Variants in TBL1XR1 observed in about 807,000 individuals in gnomAD.
The protein encoded by TBL1XR1 is TBL1X/Y related 1, also known as F-box-like/WD repeat-containing protein TBL1XR1.
Under a neutral mutation model 66.9 loss-of-function variants are expected in TBL1XR1, and 5 were observed. The observed-to-expected ratio is 0.07, with a 90% CI of 0.04 to 0.16. The LOEUF is 0.16. TBL1XR1 is among the 10% of genes least tolerant of loss of function. The pLI is 1.00. For synonymous variants in TBL1XR1, 210 were observed against 206.0 expected (o/e 1.02, Z -0.17); for missense variants, 238 against 623.2 (o/e 0.38, Z 6.58).
At chr3:177,029,284 T>C (rs532233727) in intron 14 of TBL1XR1, among the ~76,000 whole-genome samples, 1 of 152,186 alleles carries the variant, frequency 6.6e-6, no homozygotes, top group African/African-American at 2.4e-5. Context: ...CAACTAATTT[T>C]AAAAAGAAAG....
At chr3:177,058,902 A>G (rs1355036654) in intron 3 of TBL1XR1, among the ~76,000 whole-genome samples, 1 of 152,232 alleles carries the variant, frequency 6.6e-6, no homozygotes, top group Non-Finnish European at 1.5e-5. Flanking sequence ...CAGCTTACAA[A>G]AAGAGGAGAA....
intron 1 of TBL1XR1, among the ~76,000 whole-genome samples, chr3:177,184,386 T>C (rs1202656876): frequency 1.3e-5 from 2 of 152,182 alleles, no homozygotes; most frequent in African/African-American, 2.4e-5. Flanking sequence ...TCACCTAATG[T>C]CCAAACCCTT....
chr3:177,135,375 A>ATATG lies in TBL1XR1; in HGVS notation c.-121-36835_-121-36834insCATA, dbSNP rs1728864445. 3.8e-4 allele frequency among the ~76,000 whole-genome samples: 12 copies of ATATG among 31,410 alleles called. No individual in the cohort carries two copies. The South Asian group carries it at 0.011, about 28-fold the overall frequency. 20.6% of individuals were successfully genotyped at this position (31,410 alleles called of 152,430 possible). On this transcript the variant is annotated intron_variant, in intron 1 of 15. Coordinates refer to ENST00000457928, the MANE Select transcript of TBL1XR1 (RefSeq NM_024665.7). ...TATATATATATATATATATATATATATATATATGTATGTATTTTTTTTTTA... is the reference window on the plus strand; with the variant it reads ...TATATATATATATATATATATATATATATGTATATATGTATGTATTTTTTTTTTA...
chr3:177,175,933 T>TG (rs1734095054), intron 1 of TBL1XR1, among the ~76,000 whole-genome samples: 1 of 151,156 alleles, frequency 6.6e-6, no homozygotes, highest in South Asian at 2.1e-4. Context: ...GGTGGGCGCC[T>TG]GTAGTCCCAG....
chr3:177,066,031 G>A (rs1719116923), intron 2 of TBL1XR1, among the ~76,000 whole-genome samples: 1 of 152,126 alleles, frequency 6.6e-6, no homozygotes, highest in Non-Finnish European at 1.5e-5. Flanking sequence ...TCCACAGAGT[G>A]TAGTTTGCCA....
intron 1 of TBL1XR1, among the ~76,000 whole-genome samples, chr3:177,170,645 T>C (rs1453186688): frequency 6.6e-6 from 1 of 152,172 alleles, no homozygotes; most frequent in Middle Eastern, 3.2e-3. Flanking sequence ...TTTTTGTTGT[T>C]GTTGTTTTGG....
At chr3:177,150,523 A>T (rs568828943) in intron 1 of TBL1XR1, among the ~76,000 whole-genome samples, 2 of 152,370 alleles carry the variant, frequency 1.3e-5, no homozygotes, top group South Asian at 2.1e-4. Context: ...CAGCAACTAC[A>T]GACTGAGTTA....
intron 13 of TBL1XR1, 48 bp from the exon 14 acceptor site, chr3:177,033,184 C>G: frequency 2.8e-6 from 4 of 1,442,742 alleles, no homozygotes; most frequent in Non-Finnish European, 3.7e-6. Flanking sequence ...GGAAATACTC[C>G]CCCAGCCTTG....
chr3:177,066,090 A>AG (rs1577065012), intron 2 of TBL1XR1, among the ~76,000 whole-genome samples: 1 of 152,302 alleles, frequency 6.6e-6, no homozygotes, highest in East Asian at 1.9e-4. Flanking sequence ...ATAAAGAAAT[A>AG]TCTAACGTGG....
At chr3:177,136,237 G>A (rs1577276123) in intron 1 of TBL1XR1, 1 of 152,066 alleles carries the variant, frequency 6.6e-6, no homozygotes, top group Non-Finnish European at 1.5e-5. Flanking sequence ...CAGTCCAAAA[G>A]TCCAAAAGCC....
At chr3:177,111,126 A>G (rs1484925613) in intron 1 of TBL1XR1, among the ~76,000 whole-genome samples, 1 of 152,036 alleles carries the variant, frequency 6.6e-6, no homozygotes, top group Non-Finnish European at 1.5e-5. Flanking sequence ...TCCAGGAGCT[A>G]TTGTCTTTGC....
chr3:177,157,838 T>A (rs2108877173), intron 1 of TBL1XR1, among the ~76,000 whole-genome samples: 1 of 152,364 alleles, frequency 6.6e-6, no homozygotes, highest in Admixed American at 6.5e-5. Flanking sequence ...GTTTTATACG[T>A]GATCTTCGTC....
intron 1 of TBL1XR1, among the ~76,000 whole-genome samples, chr3:177,109,137 A>G (rs1349175903): frequency 2.0e-5 from 3 of 152,210 alleles, no homozygotes; most frequent in Non-Finnish European, 4.4e-5. Flanking sequence ...AGTAAATTGT[A>G]TATTTGTAAT....
At chr3:177,123,254 T>C (rs1435894671) in intron 1 of TBL1XR1, among the ~76,000 whole-genome samples, 1 of 152,118 alleles carries the variant, frequency 6.6e-6, no homozygotes, top group African/African-American at 2.4e-5. Context: ...TTTACCTTCC[T>C]AATCATAAAG....
At chr3:177,134,827 G>A (rs1728706197) in intron 1 of TBL1XR1, among the ~76,000 whole-genome samples, 1 of 152,078 alleles carries the variant, frequency 6.6e-6, no homozygotes, top group Non-Finnish European at 1.5e-5. Context: ...CTAAAAGCAA[G>A]AATAAAGTTG....
intron 1 of TBL1XR1, among the ~76,000 whole-genome samples, chr3:177,145,336 TG>T (rs201143626): frequency 1.3e-5 from 2 of 152,176 alleles, no homozygotes; most frequent in African/African-American, 4.8e-5. Context: ...AGCACTGCAT[TG>T]TTTTTTTCAG....
At chr3:177,155,801 G>A (rs974746311) in intron 1 of TBL1XR1, among the ~76,000 whole-genome samples, 2 of 152,162 alleles carry the variant, frequency 1.3e-5, no homozygotes, top group Non-Finnish European at 2.9e-5. Flanking sequence ...CCTGAGGTCA[G>A]GAGTTCGAGA....
intron 1 of TBL1XR1, among the ~76,000 whole-genome samples, chr3:177,133,301 TAAATAAATA>T (rs1025856604): frequency 1.3e-5 from 2 of 151,730 alleles, no homozygotes; most frequent in African/African-American, 4.8e-5. Context: ...AAATAAAAAA[TAAATAAATA>T]AAATAAATAA....
At chr3:177,082,196 A>C (rs1721480245) in intron 2 of TBL1XR1, among the ~76,000 whole-genome samples, 1 of 152,212 alleles carries the variant, frequency 6.6e-6, no homozygotes, top group South Asian at 2.1e-4. Context: ...GTTATAATAT[A>C]TACAAATGGT....
Sources: gnomAD v4.1 joint callset for allele counts (sites outside exome capture counted in the v4.1 genomes callset) on GRCh38, gnomAD v4.1.1 for gene constraint, MANE v1.5 for transcripts, NCBI Gene and HGNC (gene_info 2026-07-23, HGNC 2026-07-21) for gene names.